Variants in SRSF2 observed in about 807,000 individuals in gnomAD.
SRSF2 encodes the protein serine/arginine-rich splicing factor 2.
A neutral mutation model predicts 15.7 loss-of-function variants in SRSF2; 4 were observed. The ratio of observed to expected loss-of-function variants is 0.26; its 90% CI spans 0.13 to 0.58. The LOEUF (loss-of-function observed/expected upper bound fraction) is 0.58, where lower values mean the gene tolerates loss of function less well. SRSF2 is among the 20% of genes least tolerant of loss of function. SRSF2 has a pLI of 0.90. For synonymous variants in SRSF2, 192 were observed against 138.9 expected, an observed-to-expected ratio of 1.38 and a Z score of -2.69; for missense variants, 147 against 332.4, an observed-to-expected ratio of 0.44 and a Z score of 4.34.
At chr17:76,736,522 G>A (rs1452624354) in intron 1 of SRSF2, 58 bp from the exon 2 acceptor site, 5 of 1,547,022 alleles carry the variant, frequency 3.2e-6, no homozygotes, top group Middle Eastern at 1.9e-4. Flanking sequence ...GGCCGGCCCC[G>A]CCCGCGCGCT....
rs1234966048 is a variant in SRSF2, at chr17:76,736,047, G to A, written c.*7+107C>T. The A allele has an allele frequency of 4.4e-6, 5 of 1,126,688 alleles. No homozygotes were observed. In the Middle Eastern group the frequency reaches 6.2e-4, roughly 139 times the overall value. The allele number at this position is 1,126,688 out of a possible 1,614,324, so 69.8% of individuals were successfully genotyped here. A position where few individuals can be genotyped will look rare whatever the true frequency, so the allele number is the denominator to read the frequency against. ...CCCAAAGGTGAGTAACCTCCGAGCA[G>A]CACTCCTAATGATAGGAGTCATTCT... On this transcript the variant is annotated intron_variant, in intron 2 of 2. Coordinates refer to ENST00000359995, the MANE Select transcript of SRSF2 (RefSeq NM_001195427.2).
Position 76,735,038 on chromosome 17 carries a change from T to G in SRSF2, c.*128A>C, listed in dbSNP as rs974980217. ...AGGCAAAGCTTAAACAAGTAAAAAG[T>G]TAGACAAATGTTACAAAATAACCTT... On this transcript the variant is annotated 3_prime_UTR_variant, in exon 3 of 3. Transcript: ENST00000359995. 2 of 221,608 alleles carry G rather than the reference T, an allele frequency of 9.0e-6. No individual in the cohort carries two copies. The highest frequency in any genetic ancestry group is 1.2e-4 in the Admixed American group (2 of 17,342). 13.7% of individuals were successfully genotyped at this position (221,608 alleles called of 1,614,324 possible). A position where few individuals can be genotyped will look rare whatever the true frequency, so the allele number is the denominator to read the frequency against.
At position 76,734,622 on chromosome 17, in the gene SRSF2, C is replaced by CA; in HGVS notation, c.*543dup. On this transcript the variant is annotated 3_prime_UTR_variant, in exon 3 of 3. Coordinates refer to ENST00000359995, the MANE Select transcript of SRSF2 (RefSeq NM_001195427.2). Reference sequence around the variant, plus strand: ...AATTGTGTTTGATAAACAATCCTTTCAAAAAATCAAGTCTTTTCACCTGAA... The same window carrying CA: ...AATTGTGTTTGATAAACAATCCTTTCAAAAAAATCAAGTCTTTTCACCTGAA... 1 of 229,448 alleles carries CA rather than the reference C, an allele frequency of 4.4e-6. No individual in the cohort carries two copies. Among genetic ancestry groups the CA allele is most frequent in the Non-Finnish European group, 8.7e-6 (1 of 114,428 alleles). The allele number at this position is 229,448 out of a possible 1,614,324, so 14.2% of individuals were successfully genotyped here.
Position 76,736,469 on chromosome 17 carries a change from G to C in SRSF2, c.363-5C>G. ...CTGCGGCGACGCCGCCTAGGGCTGC[G>C]GGCGGGACGAGCAAGCACAGCGGGG... On this transcript the variant is annotated splice_polypyrimidine_tract_variant and splice_region_variant and intron_variant, in intron 1 of 2. Coordinates refer to ENST00000359995, the MANE Select transcript of SRSF2 (RefSeq NM_001195427.2). The C allele has an allele frequency of 6.2e-7, 1 of 1,609,746 alleles. No individual in the cohort carries two copies. Among genetic ancestry groups the C allele is most frequent in the Non-Finnish European group, 8.5e-7 (1 of 1,179,832 alleles).
chr17:76,736,617 C>T, intron 1 of SRSF2, 153 bp from the exon 2 acceptor site: 1 of 1,152,880 alleles, frequency 8.7e-7, no homozygotes, highest in Non-Finnish European at 1.1e-6. Context: ...CGCCCACACC[C>T]CGGCCACTCC....
At chr17:76,736,666 G>A (rs979272036) in intron 1 of SRSF2, 133 bp downstream of exon 1, 18 of 1,214,372 alleles carry the variant, frequency 1.5e-5, no homozygotes, top group African/African-American at 4.8e-5. Flanking sequence ...GTGGCCGGAG[G>A]GTCGCGAGAC....
At chr17:76,736,684 G>T in intron 1 of SRSF2, 115 bp downstream of exon 1, 7 of 1,251,140 alleles carry the variant, frequency 5.6e-6, no homozygotes, top group Non-Finnish European at 7.2e-6. Context: ...GACGCGGCGT[G>T]CACCCCCGCC....
chr17:76,736,576 C>A, intron 1 of SRSF2, 112 bp from the exon 2 acceptor site: 1 of 1,307,848 alleles, frequency 7.6e-7, no homozygotes, highest in Admixed American at 2.8e-5. Flanking sequence ...GCCATTTCCC[C>A]AGTCGCGAGG....
At chr17:76,735,234 C>T (rs1226745514) in intron 2 of SRSF2, 76 bp from the exon 3 acceptor site, 1 of 218,544 alleles carries the variant, frequency 4.6e-6, no homozygotes, top group Non-Finnish European at 9.2e-6. Flanking sequence ...CACGTACTTA[C>T]TAAGGCTCTG....
rs145534754 is a variant in SRSF2 at position 76,736,270 on chromosome 17, C to A, written c.557G>T (p.Arg186Leu). The A allele has an allele frequency of 2.6e-4, 418 of 1,614,042 alleles. No individual in the cohort carries two copies. The highest frequency in any genetic ancestry group is 3.4e-4 in the Non-Finnish European group (399 of 1,180,024). Residue 186 changes from arginine (R) to leucine (L), a missense_variant, in exon 2 of 3, where the codon CGG (arginine) becomes CTG (leucine). Arg to Leu is a moderately radical substitution (Grantham distance 102, BLOSUM62 -2). Transcript: ENST00000359995. ...TGGGGGAGGACTCCTGGACCGAGAC[C>A]GGGACCTGGACCGCGAACGAGATCT... ...VSRSRSRSRS[R>L]SRSRSPPPVS...
chr17:76,734,808 G>A lies in SRSF2; in HGVS notation c.*358C>T, dbSNP rs980228768. On this transcript the variant is annotated 3_prime_UTR_variant, in exon 3 of 3. Coordinates refer to ENST00000359995, the MANE Select transcript of SRSF2 (RefSeq NM_001195427.2). ...TAGGCTGTGTGTAATGGCTGCACAC[G>A]TTTTCCTTAAAAGTCAGGAGGCCAC... 1 of 238,818 alleles carries A rather than the reference G, an allele frequency of 4.2e-6. No individual in the cohort carries two copies. The highest frequency in any genetic ancestry group is 8.9e-6 in the Non-Finnish European group (1 of 112,500). 14.8% of individuals were successfully genotyped at this position (238,818 alleles called of 1,614,324 possible).
intron 1 of SRSF2, 126 bp from the exon 2 acceptor site, chr17:76,736,590 G>A: frequency 3.2e-6 from 4 of 1,232,262 alleles, no homozygotes; most frequent in South Asian, 1.6e-5. Context: ...CGCGAGGCGG[G>A]GTCCTCCGCC....
chr17:76,735,046 A>C lies in SRSF2; in HGVS notation c.*120T>G, dbSNP rs1712374350. On this transcript the variant is annotated 3_prime_UTR_variant, in exon 3 of 3. Coordinates refer to ENST00000359995, the MANE Select transcript of SRSF2 (RefSeq NM_001195427.2). ...CTTAAACAAGTAAAAAGTTAGACAA[A>C]TGTTACAAAATAACCTTTTCAATAG... 1 of 220,590 alleles carries C rather than the reference A, an allele frequency of 4.5e-6. No homozygotes were observed. 13.7% of individuals were successfully genotyped at this position (220,590 alleles called of 1,614,324 possible).
intron 2 of SRSF2, 72 bp downstream of exon 2, chr17:76,736,082 A>G (rs535366038): frequency 1.5e-5 from 22 of 1,439,722 alleles, no homozygotes; most frequent in Non-Finnish European, 1.8e-5. Flanking sequence ...TTACATTAAC[A>G]CGACTCAAAA....
Position 76,734,879 on chromosome 17 carries a change from ACT to A in SRSF2, c.*285_*286del. ...TTAATTTCAAACAAAAAAAGTCAGC[ACT>A]ATATAACAAAATGAAATTTTACCTC... On this transcript the variant is annotated 3_prime_UTR_variant, in exon 3 of 3. Transcript: ENST00000359995. The A allele has an allele frequency of 4.2e-6, 1 of 239,218 alleles. No homozygotes were observed. The highest frequency in any genetic ancestry group is 8.9e-6 in the Non-Finnish European group (1 of 112,952). 14.8% of individuals were successfully genotyped at this position (239,218 alleles called of 1,614,324 possible).
chr17:76,736,128 A>T (rs1254939841), intron 2 of SRSF2, 26 bp downstream of exon 2: 1 of 1,559,562 alleles, frequency 6.4e-7, no homozygotes, highest in Non-Finnish European at 8.7e-7. Flanking sequence ...AATTAGGGTT[A>T]TGTGTCTCGG....
chr17:76,736,527 C>T, intron 1 of SRSF2, 63 bp from the exon 2 acceptor site: 2 of 1,535,948 alleles, frequency 1.3e-6, no homozygotes, highest in Non-Finnish European at 1.8e-6. Context: ...GCCCCGCCCG[C>T]GCGCTCCCGC....
At position 76,734,780 on chromosome 17, in the gene SRSF2, C is replaced by CT. The variant is rs2077385751; in HGVS notation, c.*385dup. On this transcript the variant is annotated 3_prime_UTR_variant, in exon 3 of 3. Coordinates refer to ENST00000359995, the MANE Select transcript of SRSF2 (RefSeq NM_001195427.2). ...CAATGCTGAGTCAATCTCTTGACAGCTTTAGGCTGTGTGTAATGGCTGCAC... is the reference window on the plus strand; with the variant it reads ...CAATGCTGAGTCAATCTCTTGACAGCTTTTAGGCTGTGTGTAATGGCTGCAC... The CT allele has an allele frequency of 4.2e-6, 1 of 238,208 alleles. No homozygotes were observed. Among genetic ancestry groups the CT allele is most frequent in the Non-Finnish European group, 8.9e-6 (1 of 112,154 alleles). The allele number at this position is 238,208 out of a possible 1,614,324, so 14.8% of individuals were successfully genotyped here.
rs2077564991 is a variant in SRSF2, at chr17:76,737,322, A to T, written c.-162T>A. ...CGGGCTCCGCAGGCTAGCGCACCTG[A>T]GTAACAACTGGGCGGGCAGCCGGCC... On this transcript the variant is annotated 5_prime_UTR_variant, in exon 1 of 3. Transcript: ENST00000359995. 8.6e-6 allele frequency: 8 copies of T among 926,286 alleles called. No homozygotes were observed. The highest frequency in any genetic ancestry group is 1.2e-5 in the Non-Finnish European group (8 of 646,856). 57.4% of individuals were successfully genotyped at this position (926,286 alleles called of 1,614,324 possible). A position where few individuals can be genotyped will look rare whatever the true frequency, so the allele number is the denominator to read the frequency against.
Sources: gnomAD v4.1 joint callset for allele counts on GRCh38, gnomAD v4.1.1 for gene constraint, MANE v1.5 for transcripts, NCBI Gene and HGNC (gene_info 2026-07-23, HGNC 2026-07-21) for gene names.